The following EXOC5 variants were observed in gnomAD, a reference collection of about 807,000 sequenced individuals.
The protein encoded by EXOC5 is SEC10-like 1.
EXOC5 carries 17 observed loss-of-function variants against 90.8 expected under a neutral mutation model. The ratio of observed to expected loss-of-function variants is 0.19; its 90% CI spans 0.13 to 0.28. The LOEUF (loss-of-function observed/expected upper bound fraction) is 0.28. Ranked by LOEUF, EXOC5 falls within the 10% of genes least tolerant of loss-of-function variation. The probability of loss-of-function intolerance (pLI) is 1.00; values close to 1 mark genes in which losing one functional copy is unlikely to be tolerated. For synonymous variants in EXOC5, 260 were observed against 270.0 expected, an observed-to-expected ratio of 0.96 and a Z score of 0.36; for missense variants, 569 against 830.6, an observed-to-expected ratio of 0.69 and a Z score of 3.87.
At chr14:57,217,018 G>A (rs1295496175) in intron 15 of EXOC5, among the ~76,000 whole-genome samples, 1 of 152,074 alleles carries the variant, frequency 6.6e-6, no homozygotes, top group Non-Finnish European at 1.5e-5. Context: ...TATATGAAAA[G>A]GTGCTCAACA....
intron 12 of EXOC5, among the ~76,000 whole-genome samples, chr14:57,225,718 T>A (rs1382427065): frequency 6.6e-6 from 1 of 152,222 alleles, no homozygotes; most frequent in Non-Finnish European, 1.5e-5. Context: ...AGGACATTCC[T>A]ATGACACAGT....
At chr14:57,224,729 G>A (rs1304857051) in intron 12 of EXOC5, among the ~76,000 whole-genome samples, 2 of 152,036 alleles carry the variant, frequency 1.3e-5, no homozygotes, top group Non-Finnish European at 2.9e-5. Context: ...ATCCTATGAG[G>A]CCAACATTAC....
chr14:57,250,990 G>A (rs1008663344), intron 1 of EXOC5, among the ~76,000 whole-genome samples: 1 of 152,174 alleles, frequency 6.6e-6, no homozygotes, highest in Non-Finnish European at 1.5e-5. Context: ...GCATGGTTGT[G>A]TATCAATAAA....
chr14:57,225,236 T>C (rs761384884), intron 12 of EXOC5, among the ~76,000 whole-genome samples: 1 of 152,218 alleles, frequency 6.6e-6, no homozygotes, highest in Non-Finnish European at 1.5e-5. Flanking sequence ...TCAATCACTA[T>C]AATTTACCAT....
At chr14:57,238,859 C>T (rs1883763724) in intron 5 of EXOC5, among the ~76,000 whole-genome samples, 1 of 151,922 alleles carries the variant, frequency 6.6e-6, no homozygotes, top group African/African-American at 2.4e-5. Flanking sequence ...TACTATGTAT[C>T]ATTTATAATA....
intron 15 of EXOC5, among the ~76,000 whole-genome samples, chr14:57,210,571 T>C (rs1417189198): frequency 1.3e-5 from 2 of 152,160 alleles, no homozygotes; most frequent in Non-Finnish European, 2.9e-5. Flanking sequence ...ATAAAATATT[T>C]TAATAGTTTT....
chr14:57,266,860 T>A (rs2139677097), intron 1 of EXOC5, among the ~76,000 whole-genome samples: 1 of 150,462 alleles, frequency 6.6e-6, no homozygotes, highest in Non-Finnish European at 1.5e-5. Flanking sequence ...AAAAAAAAAA[T>A]CAAACATATT....
At position 57,206,693 on chromosome 14, in the gene EXOC5, T is replaced by C. The variant is rs956465872; in HGVS notation, c.*1916A>G. ...CTATCAACGGACATAATAGAAAATA[T>C]TGCACAGAACTCAAACATGAAAATA... On this transcript the variant is annotated 3_prime_UTR_variant, in exon 18 of 18. Transcript: ENST00000621441. 1 of 152,352 alleles carries C rather than the reference T, an allele frequency of 6.6e-6. No homozygotes were observed. Among genetic ancestry groups the C allele is most frequent in the African/African-American group, 2.4e-5 (1 of 41,400 alleles). 9.4% of individuals were successfully genotyped at this position (152,352 alleles called of 1,614,324 possible).
At chr14:57,266,736 T>C (rs1413017687) in intron 1 of EXOC5, among the ~76,000 whole-genome samples, 1 of 29,092 alleles carries the variant, frequency 3.4e-5, no homozygotes, top group Non-Finnish European at 5.4e-5. Context: ...TGTGTGTGTG[T>C]ATATATATAT....
intron 1 of EXOC5, 38 bp downstream of exon 1, chr14:57,268,584 C>A: frequency 6.4e-7 from 1 of 1,574,164 alleles, no homozygotes; most frequent in Non-Finnish European, 8.6e-7. Context: ...CCTGCAAACC[C>A]CGGGCCTGCC....
chr14:57,220,568 G>C (rs1883098360), intron 13 of EXOC5, among the ~76,000 whole-genome samples: 1 of 152,128 alleles, frequency 6.6e-6, no homozygotes, highest in Non-Finnish European at 1.5e-5. Flanking sequence ...GGGAGGCTGA[G>C]GAGGGAGGAT....
At chr14:57,218,225 CAAAGT>C (rs1883028305) in intron 14 of EXOC5, among the ~76,000 whole-genome samples, 157 bp from the exon 15 acceptor site, 1 of 151,854 alleles carries the variant, frequency 6.6e-6, no homozygotes, top group African/African-American at 2.4e-5. Flanking sequence ...ATATAAGAAG[CAAAGT>C]AATTATTTAG....
rs1283234314 is a variant in EXOC5, at chr14:57,205,254, C to T, written c.*3355G>A. 2 of 151,922 alleles carry T rather than the reference C, an allele frequency of 1.3e-5. No individual in the cohort carries two copies. Among genetic ancestry groups the T allele is most frequent in the Non-Finnish European group, 2.9e-5 (2 of 67,924 alleles). The allele number at this position is 151,922 out of a possible 1,614,324, so 9.4% of individuals were successfully genotyped here. Reference sequence around the variant, plus strand: ...CTTCATGTAGAATTATTCAGTCTAACAATATGAACTGATCTTTTCTTCTAA... The same window carrying T: ...CTTCATGTAGAATTATTCAGTCTAATAATATGAACTGATCTTTTCTTCTAA... On this transcript the variant is annotated 3_prime_UTR_variant, in exon 18 of 18. Coordinates refer to ENST00000621441, the MANE Select transcript of EXOC5 (RefSeq NM_006544.4).
intron 1 of EXOC5, among the ~76,000 whole-genome samples, chr14:57,260,678 C>G (rs950836715): frequency 2.6e-5 from 4 of 152,034 alleles, no homozygotes; most frequent in African/African-American, 9.7e-5. Context: ...ATTTAAAATT[C>G]GTAATGCAAG....
chr14:57,247,524 G>C (rs1026477152), intron 2 of EXOC5, 94 bp downstream of exon 2: 2 of 514,958 alleles, frequency 3.9e-6, no homozygotes, highest in South Asian at 4.1e-5. Flanking sequence ...AATCCTTGTA[G>C]AGGAATGCTG....
chr14:57,231,456 A>G, intron 11 of EXOC5, 50 bp downstream of exon 11: 1 of 1,258,264 alleles, frequency 7.9e-7, no homozygotes. Context: ...AATATAATGA[A>G]GTTATTAATG....
intron 1 of EXOC5, among the ~76,000 whole-genome samples, chr14:57,261,296 C>G (rs947850228): frequency 6.6e-6 from 1 of 152,166 alleles, no homozygotes; most frequent in Non-Finnish European, 1.5e-5. Flanking sequence ...ACACACACAC[C>G]TCAACTATCT....
chr14:57,265,628 G>C (rs1884649115), intron 1 of EXOC5, among the ~76,000 whole-genome samples: 1 of 152,162 alleles, frequency 6.6e-6, no homozygotes, highest in Admixed American at 6.5e-5. Flanking sequence ...TGGAGGCTAA[G>C]GTGGGCAGAT....
intron 1 of EXOC5, among the ~76,000 whole-genome samples, chr14:57,247,954 C>A (rs1191570921): frequency 6.6e-6 from 1 of 151,702 alleles, no homozygotes; most frequent in African/African-American, 2.4e-5. Context: ...CCAACTGGAA[C>A]AACTCAACAG....
Sources: allele counts gnomAD v4.1 joint callset (sites outside exome capture counted in the v4.1 genomes callset), GRCh38; gene constraint gnomAD v4.1.1; transcripts MANE v1.5; gene names NCBI Gene and HGNC (gene_info 2026-07-23, HGNC 2026-07-21).